ANO3: variants seen among roughly 807,000 people sequenced by gnomAD.
ANO3 encodes anoctamin 3.
ANO3 carries 99 observed loss-of-function variants against 144.8 expected under a neutral mutation model. The observed-to-expected ratio is 0.68, with a 90% CI of 0.58 to 0.81. The LOEUF (loss-of-function observed/expected upper bound fraction) is 0.81, where lower values mean the gene tolerates loss of function less well. Among genes scored for constraint, ANO3 ranks in the 30% least tolerant of loss-of-function variants. The pLI is 0.00. For synonymous variants in ANO3, 414 were observed against 392.6 expected (o/e 1.05, Z -0.64); for missense variants, 905 against 1,202.2 (o/e 0.75, Z 3.66).
At chr11:26,252,617 G>A (rs906993942) in intron 1 of ANO3, among the ~76,000 whole-genome samples, 1 of 151,834 alleles carries the variant, frequency 6.6e-6, no homozygotes, top group Admixed American at 6.6e-5. Flanking sequence ...TTTATCCAAG[G>A]GTTCTTTCAT....
chr11:26,453,690 G>A (rs1313423234), intron 3 of ANO3, among the ~76,000 whole-genome samples: 1 of 152,012 alleles, frequency 6.6e-6, no homozygotes, highest in Non-Finnish European at 1.5e-5. Context: ...AAGTTAACAA[G>A]GATACCCACA....
At chr11:26,488,681 C>T (rs1323829127) in intron 4 of ANO3, among the ~76,000 whole-genome samples, 1 of 152,154 alleles carries the variant, frequency 6.6e-6, no homozygotes, top group Non-Finnish European at 1.5e-5. Flanking sequence ...CATGGTCTCA[C>T]TGACTTCAGG....
exon 1 of ANO3, chr11:26,189,284 T>C: frequency 2.0e-6 from 2 of 985,360 alleles, no homozygotes; most frequent in Non-Finnish European, 2.4e-6. Flanking sequence ...AACTCTCTGG[T>C]GATTCTAGTC....
intron 14 of ANO3, among the ~76,000 whole-genome samples, chr11:26,578,925 T>C (rs1317581587): frequency 6.6e-6 from 1 of 152,226 alleles, no homozygotes; most frequent in Non-Finnish European, 1.5e-5. Context: ...ATACCATAAC[T>C]GATTAATTCC....
intron 1 of ANO3, among the ~76,000 whole-genome samples, chr11:26,273,222 T>G (rs950263514): frequency 8.2e-5 from 12 of 146,598 alleles, no homozygotes; most frequent in Admixed American, 6.1e-4. Flanking sequence ...GATTGCCTTT[T>G]AAAGTTTTTT....
intron 1 of ANO3, among the ~76,000 whole-genome samples, chr11:26,311,024 TA>T (rs1854490472): frequency 6.6e-6 from 1 of 152,154 alleles, no homozygotes; most frequent in African/African-American, 2.4e-5. Context: ...AAATAATACA[TA>T]CAGGTCATTA....
rs189861678 is a variant in ANO3 at position 26,409,199 on chromosome 11, C to A, written c.47-32719C>A. ...TTCTCTGGACCTCCCCACTCCCAAA[C>A]CCACCCCAAGAATACTTCTTACACT... On this transcript the variant is annotated intron_variant, in intron 1 of 26. Transcript: ENST00000256737. 1.1e-4 allele frequency among the ~76,000 whole-genome samples: 16 copies of A among 151,806 alleles called. No homozygotes were observed. The East Asian group carries it at 3.1e-3, about 30-fold the overall frequency.
Position 26,375,915 on chromosome 11 carries a change from G to A in ANO3, c.46+43594G>A, listed in dbSNP as rs1405935488. Among the ~76,000 whole-genome samples the A allele has an allele frequency of 2.1e-4, 32 of 152,096 alleles. 1 individual carries two copies. The highest frequency in any genetic ancestry group is 2.1e-3 in the Admixed American group (32 of 15,250). On this transcript the variant is annotated intron_variant, in intron 1 of 26. Coordinates refer to ENST00000256737, the MANE Select transcript of ANO3 (RefSeq NM_031418.4). ...AGATTCAGAAGTTAATTTTTGCATT[G>A]CTTTTACTCTGTGAGGATGACAGGA...
chr11:26,329,461 C>A (rs750152796), upstream of ANO3, among the ~76,000 whole-genome samples: 6 of 152,084 alleles, frequency 3.9e-5, no homozygotes, highest in Non-Finnish European at 8.8e-5. Context: ...GATTTTAAAA[C>A]AAGCAAAGAT....
intron 9 of ANO3, 74 bp downstream of exon 9, chr11:26,534,636 A>G (rs1849458384): frequency 1.9e-6 from 2 of 1,028,468 alleles, no homozygotes; most frequent in East Asian, 4.8e-5. Flanking sequence ...TTTTTTTAAC[A>G]GCTGTAGCTT....
intron 1 of ANO3, among the ~76,000 whole-genome samples, chr11:26,384,044 C>G (rs1481586642): frequency 6.6e-6 from 1 of 151,040 alleles, no homozygotes; most frequent in Admixed American, 6.6e-5. Context: ...ATTACAGGCG[C>G]GTGCCACCAT....
At chr11:26,352,131 A>G (rs542802267) in intron 1 of ANO3, among the ~76,000 whole-genome samples, 1 of 152,330 alleles carries the variant, frequency 6.6e-6, no homozygotes, top group African/African-American at 2.4e-5. Context: ...ACAAAAATAA[A>G]TTTTCATTAG....
At chr11:26,616,269 A>G (rs1201845994) in intron 17 of ANO3, among the ~76,000 whole-genome samples, 2 of 152,174 alleles carry the variant, frequency 1.3e-5, no homozygotes, top group Non-Finnish European at 2.9e-5. Flanking sequence ...TATAAACCTA[A>G]TTGTACCTGT....
At chr11:26,198,515 G>T (rs914590784) in intron 1 of ANO3, among the ~76,000 whole-genome samples, 2 of 152,110 alleles carry the variant, frequency 1.3e-5, no homozygotes. Flanking sequence ...AGATAGAAAC[G>T]GAAAGAAATT....
At chr11:26,487,255 A>G (rs1389562856) in intron 4 of ANO3, among the ~76,000 whole-genome samples, 1 of 152,088 alleles carries the variant, frequency 6.6e-6, no homozygotes, top group East Asian at 1.9e-4. Flanking sequence ...ATAAATCTCA[A>G]GAGATCTGAT....
intron 1 of ANO3, among the ~76,000 whole-genome samples, chr11:26,406,920 C>A (rs1366895129): frequency 6.9e-6 from 1 of 145,104 alleles, no homozygotes; most frequent in Non-Finnish European, 1.5e-5. Context: ...ATATACACAC[C>A]TGTATATATA....
At chr11:26,328,576 C>T (rs11029522), upstream of ANO3, among the ~76,000 whole-genome samples, 14,064 of 152,182 alleles carry the variant, frequency 0.092, 782 homozygotes, top group East Asian at 0.12. Flanking sequence ...AATAAAAAGT[C>T]TCCCAGTGAT....
At chr11:26,511,073 A>C (rs1329972036) in intron 5 of ANO3, among the ~76,000 whole-genome samples, 1 of 152,176 alleles carries the variant, frequency 6.6e-6, no homozygotes, top group Non-Finnish European at 1.5e-5. Context: ...CCTACTGTTA[A>C]ATAAATTGCC....
At chr11:26,435,120 A>G (rs1858248151) in intron 1 of ANO3, among the ~76,000 whole-genome samples, 1 of 152,150 alleles carries the variant, frequency 6.6e-6, no homozygotes, top group African/African-American at 2.4e-5. Context: ...GTGCATAAAT[A>G]TTTAGGATAT....
Sources: allele counts gnomAD v4.1 joint callset (sites outside exome capture counted in the v4.1 genomes callset), GRCh38; gene constraint gnomAD v4.1.1; transcripts MANE v1.5; gene names NCBI Gene and HGNC (gene_info 2026-07-23, HGNC 2026-07-21).